The following TMEM255A variants were observed in gnomAD, a reference collection of about 807,000 sequenced individuals.
The protein encoded by TMEM255A is family with sequence similarity 70, member A.
Under a neutral mutation model 23.5 loss-of-function variants are expected in TMEM255A, and 14 were observed. The ratio of observed to expected loss-of-function variants is 0.60; its 90% confidence interval spans 0.39 to 0.93. The LOEUF (loss-of-function observed/expected upper bound fraction) is 0.93, where lower values mean the gene tolerates loss of function less well. Among genes scored for constraint, TMEM255A ranks in the 40% least tolerant of loss-of-function variants. The probability of loss-of-function intolerance (pLI) is 0.00; values close to 1 mark genes in which losing one functional copy is unlikely to be tolerated. For synonymous variants in TMEM255A, 104 were observed against 100.3 expected (o/e 1.04, Z -0.22); for missense variants, 233 against 261.7 (o/e 0.89, Z 0.76).
chrX:120,285,124 T>A lies in TMEM255A; in HGVS notation c.512+3A>T. On this transcript the variant is annotated splice_donor_region_variant and intron_variant, in intron 6 of 8. Transcript: ENST00000371369. The stretch of plus-strand genomic sequence containing the variant: ...ATTCCTGTGTCTGGGCCTCAACACT[T>A]ACTTGCCACAGTTGTAGAGGTCACA... The A allele has an allele frequency of 8.3e-7, 1 of 1,205,787 alleles. No homozygotes were observed.
At chrX:120,272,778 A>G (rs185604868) in intron 7 of TMEM255A, among the ~76,000 whole-genome samples, 2 of 83,669 alleles carry the variant, frequency 2.4e-5, no homozygotes, top group Admixed American at 3.2e-4. Flanking sequence ...GTCTCACTCT[A>G]TTGCCCAGGC....
intron 2 of TMEM255A, among the ~76,000 whole-genome samples, chrX:120,300,554 AT>A (rs368966488): frequency 3.7e-3 from 276 of 74,195 alleles, no homozygotes; most frequent in Middle Eastern, 8.0e-3. Context: ...GGCCAGGCTA[AT>A]TTTTTTTTTT....
At chrX:120,271,890 T>G (rs2057763855) in intron 7 of TMEM255A, among the ~76,000 whole-genome samples, 1 of 112,270 alleles carries the variant, frequency 8.9e-6, no homozygotes, top group African/African-American at 3.2e-5. Flanking sequence ...TAAAAACTTT[T>G]GTGCTTCAAA....
chrX:120,296,626 T>C (rs1569339395), intron 2 of TMEM255A, among the ~76,000 whole-genome samples: 1 of 71,034 alleles, frequency 1.4e-5, no homozygotes, highest in African/African-American at 6.0e-5. Flanking sequence ...AGGAATATAA[T>C]ATATATATAT....
At chrX:120,280,148 T>C (rs782334518) in intron 6 of TMEM255A, among the ~76,000 whole-genome samples, 2 of 107,386 alleles carry the variant, frequency 1.9e-5, no homozygotes, top group African/African-American at 6.8e-5. Flanking sequence ...GACTGCAGGC[T>C]CACACTGCCA....
At chrX:120,285,531 T>G (rs1463779335) in intron 5 of TMEM255A, 13 of 1,116,771 alleles carry the variant, frequency 1.2e-5, no homozygotes, top group Non-Finnish European at 1.6e-5. Flanking sequence ...AATGAGAATA[T>G]GAGGGCAGGC....
chrX:120,288,522 T>A (rs1337376562), intron 4 of TMEM255A, among the ~76,000 whole-genome samples: 6 of 112,122 alleles, frequency 5.4e-5, no homozygotes, highest in Non-Finnish European at 7.5e-5. Context: ...ACCTCCTGGT[T>A]TTGCAAAAAG....
At chrX:120,276,265 GTGCCTT>G (rs2057797995) in intron 7 of TMEM255A, among the ~76,000 whole-genome samples, 1 of 111,602 alleles carries the variant, frequency 9.0e-6, no homozygotes, top group East Asian at 2.8e-4. Flanking sequence ...GAGTCCTGCT[GTGCCTT>G]TGCAGACACA....
chrX:120,261,762 A>AT (rs1479813776), intron 8 of TMEM255A, among the ~76,000 whole-genome samples: 1 of 111,848 alleles, frequency 8.9e-6, no homozygotes, highest in Admixed American at 9.5e-5. Context: ...ATGGAAATGA[A>AT]TTTTTTAAAA....
intron 6 of TMEM255A, among the ~76,000 whole-genome samples, chrX:120,282,393 G>A (rs1324692304): frequency 9.0e-6 from 1 of 111,600 alleles, no homozygotes; most frequent in Non-Finnish European, 1.9e-5. Context: ...TGGCTTCCAG[G>A]CACTAGGTAG....
chrX:120,270,877 G>C (rs1192141925), intron 7 of TMEM255A, among the ~76,000 whole-genome samples: 7 of 111,436 alleles, frequency 6.3e-5, no homozygotes, highest in Admixed American at 5.7e-4. Context: ...CTTGGATGTA[G>C]GCCAAGGATT....
intron 6 of TMEM255A, among the ~76,000 whole-genome samples, chrX:120,278,155 T>C: frequency 1.3e-5 from 1 of 79,818 alleles, no homozygotes; most frequent in South Asian, 1.1e-3. Flanking sequence ...CGACTTTCGT[T>C]CTCTCCCTCC....
At chrX:120,271,773 C>T (rs1349103898) in intron 7 of TMEM255A, among the ~76,000 whole-genome samples, 1 of 110,069 alleles carries the variant, frequency 9.1e-6, no homozygotes, top group Non-Finnish European at 1.9e-5. Context: ...AATTCTTAGG[C>T]AAAAATGTGG....
downstream of TMEM255A, chrX:120,258,113 C>T (rs782440956): frequency 2.4e-5 from 3 of 122,841 alleles, no homozygotes; most frequent in Non-Finnish European, 3.8e-5. Context: ...GAAATAATGC[C>T]GCATTTTTCC....
In TMEM255A at chrX:120,273,712, A is replaced by G. The variant is rs188164052; in HGVS notation, c.675+3173T>C. On this transcript the variant is annotated intron_variant, in intron 7 of 8. Transcript: ENST00000371369. Reference sequence around the variant, plus strand: ...CAGGGAAGTACAAATCAAAACCACAACAAGATACCACTTTGTGCCCACTAG... The same window carrying G: ...CAGGGAAGTACAAATCAAAACCACAGCAAGATACCACTTTGTGCCCACTAG... Among the ~76,000 whole-genome samples, 321 of 112,406 alleles carry G rather than the reference A, an allele frequency of 2.9e-3. 2 individuals carry two copies. The highest frequency in any genetic ancestry group is 1.0e-2 in the African/African-American group (309 of 30,959).
At chrX:120,270,295 T>TG (rs2057748397) in intron 7 of TMEM255A, among the ~76,000 whole-genome samples, 6 of 107,350 alleles carry the variant, frequency 5.6e-5, no homozygotes, top group African/African-American at 2.1e-4. Context: ...GAGTGTGTGT[T>TG]TGTGTGTGTG....
downstream of TMEM255A, chrX:120,258,351 T>C (rs1556015870): frequency 8.1e-6 from 1 of 123,640 alleles, no homozygotes; most frequent in Non-Finnish European, 1.9e-5. Context: ...TGGCCTGATA[T>C]TAGTTCTTAG....
intron 2 of TMEM255A, among the ~76,000 whole-genome samples, chrX:120,296,014 C>T (rs1287145302): frequency 4.5e-5 from 5 of 112,032 alleles, no homozygotes; most frequent in Admixed American, 2.8e-4. Flanking sequence ...TGATGTTCCA[C>T]GGCTTCTATT....
downstream of TMEM255A, chrX:120,253,848 A>G: frequency 1.7e-6 from 2 of 1,211,677 alleles, no homozygotes; most frequent in South Asian, 1.8e-5. Context: ...TTCTGGTGAC[A>G]AGAACCTTGT....
Sources: gnomAD v4.1 joint callset for allele counts (sites outside exome capture counted in the v4.1 genomes callset) on GRCh38, gnomAD v4.1.1 for gene constraint, MANE v1.5 for transcripts, NCBI Gene and HGNC (gene_info 2026-07-23, HGNC 2026-07-21) for gene names.